Variants in ZCCHC14 observed in about 807,000 individuals in gnomAD.
ZCCHC14 encodes zinc finger CCHC-type containing 14.
Under a neutral mutation model 85.0 loss-of-function variants are expected in ZCCHC14, and 16 were observed. That is an observed-to-expected ratio of 0.19 (90% CI 0.13 to 0.29). The LOEUF (loss-of-function observed/expected upper bound fraction) is 0.29. Ranked by LOEUF, ZCCHC14 falls within the 10% of genes least tolerant of loss-of-function variation. The pLI, the probability that ZCCHC14 is intolerant of heterozygous loss-of-function variation, is 1.00. For synonymous variants in ZCCHC14, 775 were observed against 630.7 expected, an observed-to-expected ratio of 1.23 and a Z score of -3.43; for missense variants, 1,303 against 1,443.5, an observed-to-expected ratio of 0.90 and a Z score of 1.58.
intron 1 of ZCCHC14, chr16:87,467,030 T>TG (rs1362871139): frequency 7.6e-6 from 3 of 395,598 alleles, no homozygotes; most frequent in African/African-American, 7.2e-5. Context: ...GTGTTTTTCA[T>TG]GAAAAAAAAA....
intron 2 of ZCCHC14, among the ~76,000 whole-genome samples, chr16:87,451,000 G>C (rs529181843): frequency 6.6e-6 from 1 of 152,104 alleles, no homozygotes; most frequent in African/African-American, 2.4e-5. Flanking sequence ...CTGGGTTCAA[G>C]CGATTCTCCT....
chr16:87,492,464 G>A lies in ZCCHC14; in HGVS notation c.-226C>T, dbSNP rs1912815183. The A allele has an allele frequency of 6.9e-6, 1 of 145,020 alleles. No individual in the cohort carries two copies. Among genetic ancestry groups the A allele is most frequent in the African/African-American group, 2.5e-5 (1 of 40,546 alleles). 9.0% of individuals were successfully genotyped at this position (145,020 alleles called of 1,614,324 possible). A position where few individuals can be genotyped will look rare whatever the true frequency, so the allele number is the denominator to read the frequency against. On this transcript the variant is annotated 5_prime_UTR_variant, in exon 1 of 13. Coordinates refer to ENST00000671377, the MANE Select transcript of ZCCHC14 (RefSeq NM_015144.3). This position sits in a 1 kb window ranked among gnomAD's most constrained non-coding sequence, Gnocchi z 6.7. ...GGGGCCGGCGGGCGGGCGCGCGCGG[G>A]GCGCCGGGGGGGCCCGGGGCGGCCG...
Position 87,414,469 on chromosome 16 carries a change from C to T in ZCCHC14, c.1548G>A (p.Val516=). The part of the protein sequence containing the change: ...PLVTSSGVAR[V]PPTSHVGPVQ... ...CGGGCCCGACGTGGCTGGTGGGGGG[C>T]ACTCGAGCCACACCACTGCTGGTGA... The change falls in exon 10 of 13, where the codon GTG becomes GTA. Residue 516 remains valine, a synonymous_variant. Coordinates refer to ENST00000671377, the MANE Select transcript of ZCCHC14 (RefSeq NM_015144.3). 6.2e-7 allele frequency: 1 copy of T among 1,612,850 alleles called. No individual in the cohort carries two copies. The highest frequency in any genetic ancestry group is 8.5e-7 in the Non-Finnish European group (1 of 1,179,882).
At chr16:87,473,639 G>A (rs956491726) in intron 1 of ZCCHC14, 1 of 152,156 alleles carries the variant, frequency 6.6e-6, no homozygotes, top group African/African-American at 2.4e-5. Context: ...ACTAAACTGC[G>A]TTATCATGAC....
chr16:87,476,134 T>C (rs1597450446), intron 1 of ZCCHC14, among the ~76,000 whole-genome samples: 2 of 152,154 alleles, frequency 1.3e-5, no homozygotes. Flanking sequence ...CATACTTCAA[T>C]AGCACGGGTG....
chr16:87,415,190 G>C (rs1000459449), intron 9 of ZCCHC14, 86 bp downstream of exon 9: 10 of 1,104,532 alleles, frequency 9.1e-6, no homozygotes, highest in African/African-American at 1.6e-5. Flanking sequence ...CCAATCACTA[G>C]TATTTAGCAC....
intron 3 of ZCCHC14, among the ~76,000 whole-genome samples, chr16:87,432,235 CCT>C (rs567766817): frequency 7.0e-4 from 107 of 152,228 alleles, no homozygotes; most frequent in African/African-American, 1.7e-3. Flanking sequence ...AGAATGTCCC[CCT>C]GTCAGGGTTC....
chr16:87,414,486 T>C lies in ZCCHC14; in HGVS notation c.1531A>G (p.Ser511Gly), dbSNP rs751563294. 6.2e-7 allele frequency: 1 copy of C among 1,613,436 alleles called. No individual in the cohort carries two copies. Among genetic ancestry groups the C allele is most frequent in the African/African-American group, 1.3e-5 (1 of 75,082 alleles). The part of the protein sequence containing the change: ...NPSAPPLVTS[S>G]GVARVPPTSH... ...GTGGGGGGCACTCGAGCCACACCAC[T>C]GCTGGTGACCAGCGGCGGGGCCGAG... Residue 511 changes from serine (S) to glycine (G), a missense_variant, in exon 10 of 13, where the codon AGT becomes GGT. Physicochemically the swap from Ser to Gly is moderately conservative, Grantham distance 56. Coordinates refer to ENST00000671377, the MANE Select transcript of ZCCHC14 (RefSeq NM_015144.3).
At chr16:87,460,179 TA>T in intron 1 of ZCCHC14, 48 bp from the exon 2 acceptor site, 1 of 1,590,542 alleles carries the variant, frequency 6.3e-7, no homozygotes, top group Admixed American at 1.8e-5. Flanking sequence ...ACGGAGTTAA[TA>T]GGGGACAATT....
At chr16:87,453,319 T>A (rs1910797927) in intron 2 of ZCCHC14, among the ~76,000 whole-genome samples, 1 of 152,214 alleles carries the variant, frequency 6.6e-6, no homozygotes, top group Non-Finnish European at 1.5e-5. Context: ...AAAAAATGTA[T>A]TTACAGAACA....
At chr16:87,426,400 C>G (rs1245571368) in intron 3 of ZCCHC14, among the ~76,000 whole-genome samples, 2 of 152,214 alleles carry the variant, frequency 1.3e-5, no homozygotes, top group East Asian at 3.8e-4. Context: ...TCTGGCACAG[C>G]ATCTTCTATC....
At chr16:87,423,204 G>A (rs545598319) in intron 4 of ZCCHC14, among the ~76,000 whole-genome samples, 58 of 152,236 alleles carry the variant, frequency 3.8e-4, no homozygotes, top group African/African-American at 1.4e-3. Flanking sequence ...ACATGCACAC[G>A]GAGGCAAAGA....
At chr16:87,463,907 C>T (rs1175996194) in intron 1 of ZCCHC14, among the ~76,000 whole-genome samples, 1 of 152,174 alleles carries the variant, frequency 6.6e-6, no homozygotes, top group African/African-American at 2.4e-5. Context: ...GCAGCCTCGA[C>T]CTCCTGGGCT....
In ZCCHC14 at chr16:87,411,632, C is replaced by T; in HGVS notation, c.3089G>A (p.Gly1030Asp). Reference sequence around the variant, plus strand: ...TTTGTGACTGGAACCATTGCTACTGCCCACCAGTCCTTGGGTCTGGTACAC... The same window carrying T: ...TTTGTGACTGGAACCATTGCTACTGTCCACCAGTCCTTGGGTCTGGTACAC... Reference protein sequence around the residue: ...AGVYQTQGLVGSSNGSSHKKS... With the variant: ...AGVYQTQGLVDSSNGSSHKKS... The change falls in exon 12 of 13, where the codon GGC (glycine) becomes GAC (aspartate). Residue 1030 changes from glycine (G) to aspartate (D), a missense_variant. Physicochemically the swap from Gly to Asp is moderately conservative, Grantham distance 94. Transcript: ENST00000671377. The T allele has an allele frequency of 3.7e-6, 6 of 1,613,934 alleles. No homozygotes were observed. Among genetic ancestry groups the T allele is most frequent in the Non-Finnish European group, 5.1e-6 (6 of 1,179,964 alleles).
At chr16:87,480,808 T>C (rs1912232963) in intron 1 of ZCCHC14, among the ~76,000 whole-genome samples, 1 of 152,176 alleles carries the variant, frequency 6.6e-6, no homozygotes, top group Admixed American at 6.5e-5. Flanking sequence ...AAATGACTGG[T>C]ATCTATGAAC....
At chr16:87,411,291 C>G in intron 12 of ZCCHC14, 2 of 1,365,406 alleles carry the variant, frequency 1.5e-6, no homozygotes, top group Non-Finnish European at 2.0e-6. Flanking sequence ...GGCTAAGCAC[C>G]TTCTAGAACC....
chr16:87,475,791 C>G (rs1354337344), intron 1 of ZCCHC14, among the ~76,000 whole-genome samples: 1 of 152,070 alleles, frequency 6.6e-6, no homozygotes, highest in Non-Finnish European at 1.5e-5. Context: ...ATACCTAGAG[C>G]TGGAGTCCCA....
At chr16:87,460,201 A>G in intron 1 of ZCCHC14, 70 bp from the exon 2 acceptor site, 1 of 1,558,760 alleles carries the variant, frequency 6.4e-7, no homozygotes, top group Non-Finnish European at 8.7e-7. Flanking sequence ...TTATTTGTTA[A>G]TTAAGTCTTT....
At chr16:87,457,061 G>A (rs74853919) in intron 2 of ZCCHC14, among the ~76,000 whole-genome samples, 2,459 of 152,290 alleles carry the variant, frequency 0.016, 24 homozygotes, top group Middle Eastern at 0.048. Context: ...GGACTGGAGC[G>A]CTGGAGAGTG....
Sources: allele counts gnomAD v4.1 joint callset (sites outside exome capture counted in the v4.1 genomes callset), GRCh38; gene constraint gnomAD v4.1.1; non-coding constraint Gnocchi (gnomAD v3.1); transcripts MANE v1.5; gene names NCBI Gene and HGNC (gene_info 2026-07-23, HGNC 2026-07-21).